SLIT3: variants seen among roughly 807,000 people sequenced by gnomAD.
SLIT3 encodes slit homolog 3 protein.
In SLIT3, 68 loss-of-function variants were observed where a neutral mutation model predicts 184.0. The ratio of observed to expected loss-of-function variants is 0.37; its 90% CI spans 0.30 to 0.45. The LOEUF is 0.45. Among genes scored for constraint, SLIT3 ranks in the 20% least tolerant of loss-of-function variants. The pLI, the probability that SLIT3 is intolerant of heterozygous loss-of-function variation, is 1.00. For synonymous variants in SLIT3, 831 were observed against 828.6 expected, an observed-to-expected ratio of 1.00 and a Z score of -0.05; for missense variants, 1,707 against 2,026.0, an observed-to-expected ratio of 0.84 and a Z score of 3.02.
At chr5:169,253,755 T>G (rs1765854991) in intron 1 of SLIT3, among the ~76,000 whole-genome samples, 1 of 152,168 alleles carries the variant, frequency 6.6e-6, no homozygotes. Flanking sequence ...TACCCCAAAC[T>G]TTGTGCCCAC....
intron 4 of SLIT3, among the ~76,000 whole-genome samples, chr5:168,969,655 A>T (rs781461352): frequency 6.6e-6 from 1 of 152,236 alleles, no homozygotes; most frequent in Non-Finnish European, 1.5e-5. Context: ...GTTTTCTGAC[A>T]GGTTAGGAGC....
chr5:168,847,180 G>A (rs1292200741), intron 5 of SLIT3, among the ~76,000 whole-genome samples: 2 of 152,038 alleles, frequency 1.3e-5, no homozygotes, highest in African/African-American at 4.8e-5. Flanking sequence ...TTTGCAATGG[G>A]GAAAACTGAG....
At chr5:168,745,958 C>A (rs1763786870) in intron 20 of SLIT3, among the ~76,000 whole-genome samples, 1 of 152,172 alleles carries the variant, frequency 6.6e-6, no homozygotes, top group Non-Finnish European at 1.5e-5. Context: ...CTTAGGGGAT[C>A]ATTAGCATTT....
intron 4 of SLIT3, among the ~76,000 whole-genome samples, chr5:169,185,400 A>G (rs1763298945): frequency 6.6e-6 from 1 of 152,200 alleles, no homozygotes; most frequent in Non-Finnish European, 1.5e-5. Flanking sequence ...ATGCCAGCGC[A>G]CAAGGGAGCA....
intron 3 of SLIT3, among the ~76,000 whole-genome samples, chr5:169,224,149 CT>C (rs1764713171): frequency 6.6e-6 from 1 of 152,038 alleles, no homozygotes; most frequent in Non-Finnish European, 1.5e-5. Context: ...TCACTGGGTC[CT>C]TTTTTTAACT....
intron 26 of SLIT3, among the ~76,000 whole-genome samples, chr5:168,701,637 C>T (rs1762215743): frequency 6.6e-6 from 1 of 152,220 alleles, no homozygotes. Flanking sequence ...TCTTCTTGGC[C>T]TTCTGGCTCC....
At chr5:169,046,634 A>C (rs996419181) in intron 4 of SLIT3, among the ~76,000 whole-genome samples, 2 of 152,164 alleles carry the variant, frequency 1.3e-5, no homozygotes, top group African/African-American at 2.4e-5. Flanking sequence ...CCAAAAACAC[A>C]TTCCTTTTGG....
At chr5:168,799,443 C>G (rs1027692242) in intron 9 of SLIT3, among the ~76,000 whole-genome samples, 1 of 152,154 alleles carries the variant, frequency 6.6e-6, no homozygotes, top group Non-Finnish European at 1.5e-5. Context: ...AGTGTCTTCC[C>G]GCACCAGCAA....
chr5:168,842,527 C>T (rs1428269129), intron 6 of SLIT3, among the ~76,000 whole-genome samples: 1 of 128,390 alleles, frequency 7.8e-6, no homozygotes, highest in East Asian at 2.3e-4. Flanking sequence ...CTGTCCTGGG[C>T]AAGGGCTTGA....
At chr5:168,910,304 T>C (rs1251557704) in intron 4 of SLIT3, among the ~76,000 whole-genome samples, 1 of 152,212 alleles carries the variant, frequency 6.6e-6, no homozygotes, top group Non-Finnish European at 1.5e-5. Flanking sequence ...CAATTTCTAC[T>C]ATATTAGCTC....
At chr5:169,056,744 A>G (rs1329667881) in intron 4 of SLIT3, among the ~76,000 whole-genome samples, 12 of 152,228 alleles carry the variant, frequency 7.9e-5, no homozygotes, top group Non-Finnish European at 1.3e-4. Context: ...TTAAGAGACA[A>G]GGGAGCAGAT....
At chr5:168,771,553 A>T (rs1296438694) in intron 14 of SLIT3, among the ~76,000 whole-genome samples, 1 of 152,174 alleles carries the variant, frequency 6.6e-6, no homozygotes, top group Admixed American at 6.5e-5. Flanking sequence ...AGCAAATCAG[A>T]CTAGAAGCCT....
At chr5:168,838,660 C>G (rs546999644) in intron 6 of SLIT3, among the ~76,000 whole-genome samples, 62 of 152,240 alleles carry the variant, frequency 4.1e-4, no homozygotes, top group South Asian at 1.0e-3. Context: ...ACCAGGACAC[C>G]AACCCCGCTC....
At chr5:168,835,606 C>T (rs957940168) in intron 6 of SLIT3, among the ~76,000 whole-genome samples, 10 of 151,810 alleles carry the variant, frequency 6.6e-5, no homozygotes, top group Non-Finnish European at 1.3e-4. Flanking sequence ...GTCAGGAGTT[C>T]GAGACCAGAC....
intron 6 of SLIT3, among the ~76,000 whole-genome samples, chr5:168,824,041 C>T (rs967027496): frequency 5.9e-5 from 9 of 152,194 alleles, no homozygotes; most frequent in African/African-American, 2.2e-4. Context: ...CTCCGCCTCC[C>T]GAGTTCAAGC....
chr5:169,015,252 G>T (rs549258243), intron 4 of SLIT3, among the ~76,000 whole-genome samples: 1 of 152,270 alleles, frequency 6.6e-6, no homozygotes, highest in African/African-American at 2.4e-5. Context: ...TCCCCTACAG[G>T]GCTGATTTTA....
intron 3 of SLIT3, among the ~76,000 whole-genome samples, chr5:169,239,386 TA>T (rs1282604747): frequency 6.6e-6 from 1 of 151,990 alleles, no homozygotes; most frequent in African/African-American, 2.4e-5. Flanking sequence ...AATGAGTTTG[TA>T]TTAAGTTGCT....
At chr5:168,812,694 C>T (rs1197382176) in intron 8 of SLIT3, among the ~76,000 whole-genome samples, 1 of 152,022 alleles carries the variant, frequency 6.6e-6, no homozygotes, top group East Asian at 1.9e-4. Flanking sequence ...GGGACTCGAG[C>T]AATTATGATG....
At chr5:168,867,164 C>G (rs1379599267) in intron 5 of SLIT3, among the ~76,000 whole-genome samples, 1 of 152,168 alleles carries the variant, frequency 6.6e-6, no homozygotes, top group Non-Finnish European at 1.5e-5. Flanking sequence ...GATTCTGGAG[C>G]AGGTGGTTTT....
Sources: gnomAD v4.1 joint callset for allele counts (sites outside exome capture counted in the v4.1 genomes callset) on GRCh38, gnomAD v4.1.1 for gene constraint, MANE v1.5 for transcripts, NCBI Gene and HGNC (gene_info 2026-07-23, HGNC 2026-07-21) for gene names.